The following AGPAT2 variants were observed in gnomAD, a reference collection of about 807,000 sequenced individuals.
The protein encoded by AGPAT2 is 1-acylglycerol-3-phosphate O-acyltransferase 2.
A neutral mutation model predicts 26.1 loss-of-function variants in AGPAT2; 18 were observed. The observed-to-expected ratio is 0.69, with a 90% confidence interval of 0.48 to 1.02. The LOEUF (loss-of-function observed/expected upper bound fraction) is 1.02, where lower values mean the gene tolerates loss of function less well. AGPAT2 is among the 50% of genes least tolerant of loss of function. AGPAT2 has a pLI of 0.00. For missense variants in AGPAT2, 415 were observed against 394.9 expected, an observed-to-expected ratio of 1.05 and a Z score of -0.43; for synonymous variants, 200 against 174.2, an observed-to-expected ratio of 1.15 and a Z score of -1.16.
rs1381301615 is a variant in AGPAT2, at chr9:136,673,927, C to G, written c.662G>C (p.Gly221Ala). 1.9e-6 allele frequency: 3 copies of G among 1,561,222 alleles called. No individual in the cohort carries two copies. Among genetic ancestry groups the G allele is most frequent in the African/African-American group, 2.7e-5 (2 of 73,866 alleles). The change falls in exon 6 of 6, where the codon GGA (glycine) becomes GCA (alanine). Residue 221 changes from glycine to alanine, a missense_variant and splice_region_variant. Transcript: ENST00000371696. The stretch of plus-strand genomic sequence containing the variant: ...TTCCAGCACCTGCACTGTGACTGTT[C>G]CTGTGGGGGAAGCAACAGACCTCAG... ...YNTKKKFFTS[G>A]TVTVQVLEAI...
chr9:136,686,889 C>T (rs1300655020), intron 1 of AGPAT2, among the ~76,000 whole-genome samples: 1 of 152,266 alleles, frequency 6.6e-6, no homozygotes, highest in African/African-American at 2.4e-5. Flanking sequence ...AACCCCACGC[C>T]GGGCTGCAGG....
Position 136,673,538 on chromosome 9 carries a change from G to GC in AGPAT2, c.*213dup. 1 of 454,928 alleles carries GC rather than the reference G, an allele frequency of 2.2e-6. No homozygotes were observed. 28.2% of individuals were successfully genotyped at this position (454,928 alleles called of 1,614,324 possible). A position where few individuals can be genotyped will look rare whatever the true frequency, so the allele number is the denominator to read the frequency against. On this transcript the variant is annotated 3_prime_UTR_variant, in exon 6 of 6. Coordinates refer to ENST00000371696, the MANE Select transcript of AGPAT2 (RefSeq NM_006412.4). Reference sequence around the variant, plus strand: ...CGTGGGCGCGAGTCCCTGCCCTCGAGCCCGGGGAGGGTCCAGCTGAGCCCC... The same window carrying GC: ...CGTGGGCGCGAGTCCCTGCCCTCGAGCCCCGGGGAGGGTCCAGCTGAGCCCC...
chr9:136,673,673 G>C lies in AGPAT2; in HGVS notation c.*79C>G, dbSNP rs112657922. ...CCGGACAGAGTGGTATTTGGAAGCC[G>C]GGAGGAGTCCCCTCTGCCCATCCTC... On this transcript the variant is annotated 3_prime_UTR_variant, in exon 6 of 6. Transcript: ENST00000371696. 4.4e-3 allele frequency: 6,189 copies of C among 1,408,574 alleles called. 144 individuals carry two copies. In the African/African-American group the frequency reaches 0.064, roughly 15 times the overall value. The allele number at this position is 1,408,574 out of a possible 1,614,324, so 87.3% of individuals were successfully genotyped here. A position where few individuals can be genotyped will look rare whatever the true frequency, so the allele number is the denominator to read the frequency against.
intron 4 of AGPAT2, 55 bp from the exon 5 acceptor site, chr9:136,674,862 C>T (rs1846070354): frequency 7.5e-7 from 1 of 1,342,248 alleles, no homozygotes; most frequent in Middle Eastern, 2.2e-4. Flanking sequence ...CCAGGCACAC[C>T]CCAGGCTGCA....
chr9:136,676,840 G>A (rs558136553), intron 3 of AGPAT2, 121 bp downstream of exon 3: 2 of 1,328,246 alleles, frequency 1.5e-6, no homozygotes, highest in African/African-American at 2.9e-5. Context: ...GACCCCACCT[G>A]CGGAGCATGG....
intron 1 of AGPAT2, among the ~76,000 whole-genome samples, chr9:136,681,434 C>T (rs1401825293): frequency 2.0e-5 from 3 of 152,218 alleles, no homozygotes. Flanking sequence ...GTGAGGCCAC[C>T]GCACTTCCCC....
chr9:136,677,252 C>CG, intron 2 of AGPAT2, 116 bp from the exon 3 acceptor site: 1 of 1,500,118 alleles, frequency 6.7e-7, no homozygotes, highest in Non-Finnish European at 9.1e-7. Flanking sequence ...GCTACCTGGA[C>CG]GGGTCGTGTG....
intron 1 of AGPAT2, among the ~76,000 whole-genome samples, chr9:136,682,698 G>T (rs1210632207): frequency 6.6e-6 from 1 of 152,212 alleles, no homozygotes; most frequent in Non-Finnish European, 1.5e-5. Flanking sequence ...GGAGCAGTGG[G>T]CTCCTGCTGA....
At position 136,687,270 on chromosome 9, in the gene AGPAT2, C is replaced by T. The variant is rs1360933401; in HGVS notation, c.88G>A (p.Val30Ile). The T allele has an allele frequency of 1.3e-6, 2 of 1,589,162 alleles. No homozygotes were observed. The highest frequency in any genetic ancestry group is 1.1e-5 in the South Asian group (1 of 88,580). Residue 30 changes from valine to isoleucine, a missense_variant, in exon 1 of 6, where the codon GTC becomes ATC. Coordinates refer to ENST00000371696, the MANE Select transcript of AGPAT2 (RefSeq NM_006412.4). ...LSRAAEFYAKVALYCALCFTV... is the reference protein window; with the variant it reads ...LSRAAEFYAKIALYCALCFTV... ...AAGCACAGCGCGCAGTACAGGGCGA[C>T]CTTGGCGTAGAACTCGGCCGCGCGG...
Position 136,673,493 on chromosome 9 carries a change from A to G in AGPAT2, c.*259T>C. ...CACAGCCGCAAGCCTCATCTTTATC[A>G]TCCCAGCTCCCAGAGGTGCCGTGGG... On this transcript the variant is annotated 3_prime_UTR_variant, in exon 6 of 6. Coordinates refer to ENST00000371696, the MANE Select transcript of AGPAT2 (RefSeq NM_006412.4). 2 of 379,346 alleles carry G rather than the reference A, an allele frequency of 5.3e-6. No individual in the cohort carries two copies. Among genetic ancestry groups the G allele is most frequent in the Non-Finnish European group, 9.4e-6 (2 of 212,530 alleles). 23.5% of individuals were successfully genotyped at this position (379,346 alleles called of 1,614,324 possible). A position where few individuals can be genotyped will look rare whatever the true frequency, so the allele number is the denominator to read the frequency against.
chr9:136,674,666 G>A, intron 5 of AGPAT2, 69 bp downstream of exon 5: 1 of 1,214,220 alleles, frequency 8.2e-7, no homozygotes, highest in Non-Finnish European at 1.1e-6. Context: ...GGAACGATGA[G>A]GGGCCCGGGG....
intron 1 of AGPAT2, 105 bp from the exon 2 acceptor site, chr9:136,677,661 C>T (rs1846111478): frequency 1.4e-6 from 2 of 1,416,254 alleles, no homozygotes; most frequent in African/African-American, 2.8e-5. Flanking sequence ...GAGGGGCCCT[C>T]CTGGCACGGG....
At position 136,674,710 on chromosome 9, in the gene AGPAT2, C is replaced by A. The variant is rs200951118; in HGVS notation, c.661+25G>T. Reference sequence around the variant, plus strand: ...CTGTAGGGTCAGGCGGGGCCTACACCCCGGGTGCACACATGTGGGGGTACC... The same window carrying A: ...CTGTAGGGTCAGGCGGGGCCTACACACCGGGTGCACACATGTGGGGGTACC... On this transcript the variant is annotated intron_variant, in intron 5 of 5. Transcript: ENST00000371696. 5.6e-5 allele frequency: 80 copies of A among 1,423,140 alleles called. No homozygotes were observed. In the African/African-American group the frequency reaches 1.1e-3, roughly 19 times the overall value. 88.2% of individuals were successfully genotyped at this position (1,423,140 alleles called of 1,614,324 possible).
chr9:136,678,381 C>A (rs919687544), intron 1 of AGPAT2, among the ~76,000 whole-genome samples: 3 of 152,220 alleles, frequency 2.0e-5, no homozygotes, highest in African/African-American at 7.2e-5. Context: ...AAGACTCTGA[C>A]CAGCTCCGAG....
At chr9:136,685,014 G>A (rs1001776620) in intron 1 of AGPAT2, among the ~76,000 whole-genome samples, 1 of 152,162 alleles carries the variant, frequency 6.6e-6, no homozygotes, top group South Asian at 2.1e-4. Flanking sequence ...CCCACTCTTA[G>A]CCATTGCTGG....
At chr9:136,683,109 C>A (rs992353538) in intron 1 of AGPAT2, among the ~76,000 whole-genome samples, 4 of 151,840 alleles carry the variant, frequency 2.6e-5, no homozygotes, top group African/African-American at 9.7e-5. Context: ...TGGGGCCGGG[C>A]ACGGTGGCTC....
At chr9:136,686,712 G>T (rs1846225748) in intron 1 of AGPAT2, among the ~76,000 whole-genome samples, 1 of 152,116 alleles carries the variant, frequency 6.6e-6, no homozygotes, top group Non-Finnish European at 1.5e-5. Context: ...TCAGGAGGGG[G>T]TCGGAGGGAG....
In AGPAT2 at chr9:136,677,375, A is replaced by T. The variant is rs764315533; in HGVS notation, c.316+48T>A. 5.6e-6 allele frequency: 9 copies of T among 1,612,110 alleles called. No individual in the cohort carries two copies. In the South Asian group the frequency reaches 9.9e-5, roughly 18 times the overall value. On this transcript the variant is annotated intron_variant, in intron 2 of 5. Transcript: ENST00000371696. Reference sequence around the variant, plus strand: ...ACCCAGCCCCACACAGCCCCAGCTCAGCCGGCCCCACTCAAACCCCAGAAG... The same window carrying T: ...ACCCAGCCCCACACAGCCCCAGCTCTGCCGGCCCCACTCAAACCCCAGAAG...
chr9:136,681,201 A>G (rs1846155936), intron 1 of AGPAT2, among the ~76,000 whole-genome samples: 1 of 151,856 alleles, frequency 6.6e-6, no homozygotes, highest in Non-Finnish European at 1.5e-5. Flanking sequence ...CCCGCCCAGC[A>G]GGCGGTGCTG....
Sources: gnomAD v4.1 joint callset for allele counts (sites outside exome capture counted in the v4.1 genomes callset) on GRCh38, gnomAD v4.1.1 for gene constraint, MANE v1.5 for transcripts, NCBI Gene and HGNC (gene_info 2026-07-23, HGNC 2026-07-21) for gene names.